Variants in BCAN observed in about 807,000 individuals in gnomAD.
The protein encoded by BCAN is brevican core protein.
A neutral mutation model predicts 92.4 loss-of-function variants in BCAN; 51 were observed. That is an observed-to-expected ratio of 0.55 (90% CI 0.44 to 0.70). The LOEUF is 0.70. Among genes scored for constraint, BCAN ranks in the 30% least tolerant of loss-of-function variants. The pLI, the probability that BCAN is intolerant of heterozygous loss-of-function variation, is 0.00. For missense variants in BCAN, 1,140 were observed against 1,212.1 expected (o/e 0.94, Z 0.88); for synonymous variants, 501 against 505.2 (o/e 0.99, Z 0.11).
chr1:156,647,048 C>CCCA lies in BCAN; in HGVS notation c.340_342dup (p.Pro114dup), dbSNP rs751861949. On this transcript the variant is annotated inframe_insertion, in exon 3 of 14. Transcript: ENST00000329117. The surrounding 1 kb of genome is among the most constrained non-coding windows in gnomAD (Gnocchi z 4.8). ...GGTTCCGCGTGGCACTGCCTGCGTA[C>CCCA]CCAGCGTCGCTCACCGACGTCTCCC... The CCCA allele has an allele frequency of 5.0e-6, 8 of 1,611,710 alleles. No individual in the cohort carries two copies. The highest frequency in any genetic ancestry group is 5.9e-6 in the Non-Finnish European group (7 of 1,178,588).
chr1:156,648,518 G>A (rs1166735264), intron 5 of BCAN, 50 bp from the exon 6 acceptor site: 2 of 1,526,740 alleles, frequency 1.3e-6, no homozygotes, highest in Admixed American at 1.9e-5. Flanking sequence ...AGACCAGAGT[G>A]GAAGGAGCTA....
intron 1 of BCAN, among the ~76,000 whole-genome samples, chr1:156,645,247 G>A (rs1441760102): frequency 6.6e-6 from 1 of 152,216 alleles, no homozygotes; most frequent in Non-Finnish European, 1.5e-5. Flanking sequence ...GCTGGATAGA[G>A]GCCAGACTGG....
chr1:156,646,642 G>A (rs1678975190), intron 2 of BCAN, 159 bp from the exon 3 acceptor site: 1 of 1,253,434 alleles, frequency 8.0e-7, no homozygotes, highest in African/African-American at 1.6e-5. Flanking sequence ...TAGAGGTAGG[G>A]CTGCAGGACC....
At chr1:156,657,883 T>C (rs1679391605) in intron 11 of BCAN, 126 bp downstream of exon 11, 1 of 832,576 alleles carries the variant, frequency 1.2e-6, no homozygotes, top group Non-Finnish European at 1.8e-6. Context: ...TCTCGTGCCC[T>C]GTGCCTCTTC....
rs1679427941 is a variant in BCAN at position 156,658,761 on chromosome 1, G to A, written c.2628+28G>A. 1 of 1,612,808 alleles carries A rather than the reference G, an allele frequency of 6.2e-7. No individual in the cohort carries two copies. Among genetic ancestry groups the A allele is most frequent in the South Asian group, 1.1e-5 (1 of 91,076 alleles). On this transcript the variant is annotated intron_variant, in intron 13 of 13. Coordinates refer to ENST00000329117, the MANE Select transcript of BCAN (RefSeq NM_021948.5). This position sits in a 1 kb window ranked among gnomAD's most constrained non-coding sequence, Gnocchi z 4.4. ...GAGTGCCAGGAAGAGGCAGGTGGGA[G>A]TGGGAGACAGTAGCCAACAGTAGCC...
intron 1 of BCAN, among the ~76,000 whole-genome samples, chr1:156,645,402 G>A (rs2365716): frequency 0.74 from 112,295 of 152,092 alleles, 41,655 homozygotes; most frequent in East Asian, 0.96. Context: ...AGTAAAGAGA[G>A]GAGTTTCCTT....
chr1:156,645,405 G>C (rs1678929597), intron 1 of BCAN, among the ~76,000 whole-genome samples: 1 of 152,182 alleles, frequency 6.6e-6, no homozygotes, highest in Non-Finnish European at 1.5e-5. Flanking sequence ...AAAGAGAGGA[G>C]TTTCCTTACA....
intron 1 of BCAN, chr1:156,643,444 A>G (rs976695964): frequency 6.6e-6 from 1 of 152,320 alleles, no homozygotes; most frequent in Non-Finnish European, 1.5e-5. Flanking sequence ...GGTAGCAGAG[A>G]GCTTCCCTCC....
rs927227350 is a variant in BCAN, at chr1:156,658,428, C to T, written c.2438-115C>T. 2.0e-5 allele frequency: 30 copies of T among 1,466,784 alleles called. No homozygotes were observed. The highest frequency in any genetic ancestry group is 2.4e-4 in the Middle Eastern group (1 of 4,254). The allele number at this position is 1,466,784 out of a possible 1,614,324, so 90.9% of individuals were successfully genotyped here. On this transcript the variant is annotated intron_variant, in intron 12 of 13. Coordinates refer to ENST00000329117, the MANE Select transcript of BCAN (RefSeq NM_021948.5). The surrounding 1 kb of genome is among the most constrained non-coding windows in gnomAD (Gnocchi z 4.4). Reference sequence around the variant, plus strand: ...AGCTAACAAGTTACGTGGGTCCACTCGGAATCCCTGATCTTTTTTTGTCAT... The same window carrying T: ...AGCTAACAAGTTACGTGGGTCCACTTGGAATCCCTGATCTTTTTTTGTCAT...
chr1:156,653,030 C>T, intron 8 of BCAN, 138 bp downstream of exon 8: 1 of 1,515,828 alleles, frequency 6.6e-7, no homozygotes, highest in African/African-American at 1.4e-5. Flanking sequence ...TTCTCTTACC[C>T]ACCTCTACCT....
rs764618256 is a variant in BCAN at position 156,656,387 on chromosome 1, T to C, written c.2048T>C (p.Val683Ala). Residue 683 changes from valine to alanine, a missense_variant and splice_region_variant, in exon 9 of 14, where the codon GTT becomes GCT. Around this residue, in one of 3 missense-constraint regions of BCAN, gnomAD observed 825 missense variants for 871.8 expected, o/e 0.95. Coordinates refer to ENST00000329117, the MANE Select transcript of BCAN (RefSeq NM_021948.5). ...LPGYGGDLCDVGLRFCNPGWD... is the reference protein window; with the variant it reads ...LPGYGGDLCDAGLRFCNPGWD... ...GGCTATGGGGGGGACCTGTGCGATG[T>C]TGGTGAGTGTTGAGGGACGGGGGGC... 2 of 1,358,932 alleles carry C rather than the reference T, an allele frequency of 1.5e-6. No individual in the cohort carries two copies. Among genetic ancestry groups the C allele is most frequent in the Non-Finnish European group, 9.5e-7 (1 of 1,049,156 alleles). The allele number at this position is 1,358,932 out of a possible 1,614,324, so 84.2% of individuals were successfully genotyped here.
rs1301027329 is a variant in BCAN, at chr1:156,651,515, G to A, written c.1123G>A (p.Asp375Asn). 6.2e-7 allele frequency: 1 copy of A among 1,614,054 alleles called. No homozygotes were observed. Among genetic ancestry groups the A allele is most frequent in the Admixed American group, 1.7e-5 (1 of 60,026 alleles). Residue 375 changes from aspartate (D) to asparagine (N), a missense_variant, in exon 7 of 14, where the codon GAT becomes AAT. By Grantham distance (23) the Asp-to-Asn change is conservative. Around this residue, in one of 3 missense-constraint regions of BCAN, gnomAD observed 825 missense variants for 871.8 expected, o/e 0.95. Coordinates refer to ENST00000329117, the MANE Select transcript of BCAN (RefSeq NM_021948.5). ...CAACCCAGCCTCCAACCCAGCCTCTGATGGACTAGAGGCTATCGTCACAGT... is the reference window on the plus strand; with the variant it reads ...CAACCCAGCCTCCAACCCAGCCTCTAATGGACTAGAGGCTATCGTCACAGT... The part of the protein sequence containing the change: ...ASNPASNPAS[D>N]GLEAIVTVTE...
chr1:156,647,978 C>T lies in BCAN; in HGVS notation c.642-5C>T. Reference sequence around the variant, plus strand: ...GTACTAAGTGATTCTGTCCTTCCTCCCTAGGTATCCCATCCAGACCCCACG... The same window carrying T: ...GTACTAAGTGATTCTGTCCTTCCTCTCTAGGTATCCCATCCAGACCCCACG... On this transcript the variant is annotated splice_polypyrimidine_tract_variant and splice_region_variant and intron_variant, in intron 4 of 13. Coordinates refer to ENST00000329117, the MANE Select transcript of BCAN (RefSeq NM_021948.5). The surrounding 1 kb of genome is among the most constrained non-coding windows in gnomAD (Gnocchi z 4.8). 3.7e-6 allele frequency: 6 copies of T among 1,612,686 alleles called. No individual in the cohort carries two copies. Among genetic ancestry groups the T allele is most frequent in the Non-Finnish European group, 4.2e-6 (5 of 1,178,848 alleles).
Position 156,646,888 on chromosome 1 carries a change from A to G in BCAN, c.179A>G (p.His60Arg), listed in dbSNP as rs769728874. ...GGALTIPCHV[H>R]YLRPPPSRRA... ...GCCCTCACCATCCCTTGCCACGTCCACTACCTGCGGCCACCGCCGAGCCGC... is the reference window on the plus strand; with the variant it reads ...GCCCTCACCATCCCTTGCCACGTCCGCTACCTGCGGCCACCGCCGAGCCGC... Residue 60 changes from histidine to arginine, a missense_variant, in exon 3 of 14, where the codon CAC becomes CGC. Transcript: ENST00000329117. 6.2e-6 allele frequency: 10 copies of G among 1,610,734 alleles called. No individual in the cohort carries two copies. The highest frequency in any genetic ancestry group is 8.5e-6 in the Non-Finnish European group (10 of 1,178,854).
In BCAN at chr1:156,646,125, T is replaced by C. The variant is rs553607798; in HGVS notation, c.71T>C (p.Val24Ala). 7.6e-5 allele frequency: 123 copies of C among 1,613,772 alleles called. 2 individuals are homozygous for C. The East Asian group carries it at 1.3e-3, about 18-fold the overall frequency. The change falls in exon 2 of 14, where the codon GTT becomes GCT. Residue 24 changes from valine (V) to alanine (A), a missense_variant. Physicochemically the swap from Val to Ala is moderately conservative, Grantham distance 64 (BLOSUM62 0). Around this residue, in one of 3 missense-constraint regions of BCAN, gnomAD observed 286 missense variants for 284.1 expected, o/e 1.01. Coordinates refer to ENST00000329117, the MANE Select transcript of BCAN (RefSeq NM_021948.5). ...LAQAPAALAD[V>A]LEGDSSEDRA... is the part of the protein sequence containing the mutation. Reference sequence around the variant, plus strand: ...CAGGCTCCTGCAGCTTTAGCAGATGTTCTGGAAGGAGACAGCTCAGGTAAG... The same window carrying C: ...CAGGCTCCTGCAGCTTTAGCAGATGCTCTGGAAGGAGACAGCTCAGGTAAG...
At position 156,653,091 on chromosome 1, in the gene BCAN, G is replaced by C. The variant is rs551578181; in HGVS notation, c.1942+199G>C. 152 of 1,428,346 alleles carry C rather than the reference G, an allele frequency of 1.1e-4. 3 individuals are homozygous for C. The African/African-American group carries it at 2.0e-3, about 18-fold the overall frequency. 88.5% of individuals were successfully genotyped at this position (1,428,346 alleles called of 1,614,324 possible). A position where few individuals can be genotyped will look rare whatever the true frequency, so the allele number is the denominator to read the frequency against. ...CCTTGTGGGTATCTCAGCTCTCCGCGTCTTTACCCTGTGATCCCAGCCCCG... is the reference window on the plus strand; with the variant it reads ...CCTTGTGGGTATCTCAGCTCTCCGCCTCTTTACCCTGTGATCCCAGCCCCG... On this transcript the variant is annotated intron_variant, in intron 8 of 13. Transcript: ENST00000329117.
intron 7 of BCAN, 79 bp downstream of exon 7, chr1:156,651,768 A>G (rs1679173783): frequency 2.8e-5 from 36 of 1,270,260 alleles, no homozygotes; most frequent in Non-Finnish European, 3.8e-5. Flanking sequence ...GGTTGATGCT[A>G]GGGTGATGGA....
chr1:156,646,160 T>C lies in BCAN; in HGVS notation c.91+15T>C, dbSNP rs1286536152. On this transcript the variant is annotated intron_variant, in intron 2 of 13. Transcript: ENST00000329117. ...AGACAGCTCAGGTAAGCAACCCCAC[T>C]TGGGGTCACCGTCTCTGTCTTGTTC... The C allele has an allele frequency of 6.2e-7, 1 of 1,609,680 alleles. No individual in the cohort carries two copies. The highest frequency in any genetic ancestry group is 1.1e-5 in the South Asian group (1 of 90,872).
intron 2 of BCAN, 54 bp from the exon 3 acceptor site, chr1:156,646,747 T>A (rs1678986153): frequency 1.3e-6 from 2 of 1,507,062 alleles, no homozygotes; most frequent in African/African-American, 2.8e-5. Flanking sequence ...GGCCACCGGG[T>A]GGGACTCTGA....
Sources: allele counts gnomAD v4.1 joint callset (sites outside exome capture counted in the v4.1 genomes callset), GRCh38; gene constraint gnomAD v4.1.1; regional missense constraint gnomAD v4.1.1; non-coding constraint Gnocchi (gnomAD v3.1); transcripts MANE v1.5; gene names NCBI Gene and HGNC (gene_info 2026-07-23, HGNC 2026-07-21).